Variants in ARHGEF28 observed in about 807,000 individuals in gnomAD.
ARHGEF28 encodes Rho guanine nucleotide exchange factor 28.
In ARHGEF28, 152 loss-of-function variants were observed where a neutral mutation model predicts 206.6. The ratio of observed to expected loss-of-function variants is 0.74; its 90% CI spans 0.64 to 0.84. ARHGEF28 has a LOEUF of 0.84. Among genes scored for constraint, ARHGEF28 ranks in the 40% least tolerant of loss-of-function variants. ARHGEF28 has a pLI of 0.00. For missense variants in ARHGEF28, 2,028 were observed against 2,073.2 expected, an observed-to-expected ratio of 0.98 and a Z score of 0.42; for synonymous variants, 763 against 776.4, an observed-to-expected ratio of 0.98 and a Z score of 0.29.
intron 5 of ARHGEF28, among the ~76,000 whole-genome samples, chr5:73,774,780 C>T (rs534779900): frequency 9.2e-5 from 14 of 152,048 alleles, no homozygotes; most frequent in African/African-American, 3.4e-4. Flanking sequence ...TTTGACTTAA[C>T]GTGGTAAAAA....
intron 9 of ARHGEF28, among the ~76,000 whole-genome samples, chr5:73,807,253 T>C (rs1032581754): frequency 6.6e-6 from 1 of 152,066 alleles, no homozygotes; most frequent in Non-Finnish European, 1.5e-5. Flanking sequence ...ACTATCTGTG[T>C]TGCCTATGCA....
chr5:73,936,806 G>A (rs1764447104), intron 35 of ARHGEF28, among the ~76,000 whole-genome samples: 1 of 152,204 alleles, frequency 6.6e-6, no homozygotes, highest in African/African-American at 2.4e-5. Context: ...GGCCTGAAGT[G>A]ATCCTCCTGC....
chr5:73,836,469 G>A (rs1170151249), intron 10 of ARHGEF28, among the ~76,000 whole-genome samples: 1 of 151,740 alleles, frequency 6.6e-6, no homozygotes, highest in South Asian at 2.1e-4. Context: ...TGTCTATTTA[G>A]GTACTTTATT....
chr5:73,772,681 T>C (rs1753294410), intron 4 of ARHGEF28, among the ~76,000 whole-genome samples: 1 of 152,134 alleles, frequency 6.6e-6, no homozygotes, highest in East Asian at 1.9e-4. Flanking sequence ...CCTGGCCTTA[T>C]AAGGGTTTTT....
intron 9 of ARHGEF28, among the ~76,000 whole-genome samples, chr5:73,808,781 T>G (rs939159332): frequency 6.6e-6 from 1 of 152,162 alleles, no homozygotes; most frequent in Non-Finnish European, 1.5e-5. Flanking sequence ...CTTGGTGGCT[T>G]AACAGTGGAG....
chr5:73,796,281 A>G (rs1378302315), intron 9 of ARHGEF28, among the ~76,000 whole-genome samples: 10 of 152,228 alleles, frequency 6.6e-5, no homozygotes, highest in Non-Finnish European at 1.5e-5. Context: ...GGTTCTGTGA[A>G]GCTGAGGCAT....
chr5:73,883,588 C>G (rs1761086956), intron 23 of ARHGEF28, among the ~76,000 whole-genome samples, 179 bp from the exon 24 acceptor site: 1 of 152,058 alleles, frequency 6.6e-6, no homozygotes, highest in South Asian at 2.1e-4. Context: ...AGTTGGGGTA[C>G]TGAAATTTAT....
rs558140137 is a variant in ARHGEF28, at chr5:73,662,908, A to G, written c.-11-21933A>G. Among the ~76,000 whole-genome samples the G allele has an allele frequency of 1.5e-3, 233 of 152,332 alleles. 3 individuals carry two copies. Among genetic ancestry groups the G allele is most frequent in the African/African-American group, 5.3e-3 (222 of 41,576 alleles). On this transcript the variant is annotated intron_variant, in intron 1 of 35. Transcript: ENST00000513042. Reference sequence around the variant, plus strand: ...TCTCTTTGCTTTAAGGAAAAGGTACAGCTAAGTAACTGAAGCAAAATTAAA... The same window carrying G: ...TCTCTTTGCTTTAAGGAAAAGGTACGGCTAAGTAACTGAAGCAAAATTAAA...
intron 2 of ARHGEF28, among the ~76,000 whole-genome samples, chr5:73,689,719 G>C (rs140911984): frequency 6.6e-5 from 10 of 150,998 alleles, no homozygotes; most frequent in Admixed American, 5.3e-4. Flanking sequence ...TGCTTGAAAA[G>C]AAACTGAAGG....
chr5:73,863,998 G>T (rs1394501224), intron 16 of ARHGEF28, among the ~76,000 whole-genome samples: 1 of 151,982 alleles, frequency 6.6e-6, no homozygotes, highest in Admixed American at 6.6e-5. Flanking sequence ...GACCAACATG[G>T]GATCTTCCAC....
At chr5:73,696,956 C>T (rs867585497) in intron 2 of ARHGEF28, among the ~76,000 whole-genome samples, 4 of 152,168 alleles carry the variant, frequency 2.6e-5, no homozygotes, top group Admixed American at 1.3e-4. Flanking sequence ...TCCAGCTGCA[C>T]GAAGAGATAG....
intron 2 of ARHGEF28, among the ~76,000 whole-genome samples, chr5:73,747,303 C>T (rs1751770860): frequency 6.6e-6 from 1 of 152,110 alleles, no homozygotes; most frequent in Admixed American, 6.5e-5. Context: ...TTGTCTTTGC[C>T]ATATATGAAA....
intron 35 of ARHGEF28, among the ~76,000 whole-genome samples, chr5:73,932,797 TTTC>T (rs1764196641): frequency 7.7e-6 from 1 of 130,236 alleles, no homozygotes; most frequent in African/African-American, 3.0e-5. Context: ...TTATTTCCTA[TTTC>T]TTTTTTTTTT....
At chr5:73,698,350 A>G (rs772457396) in intron 2 of ARHGEF28, among the ~76,000 whole-genome samples, 1 of 152,152 alleles carries the variant, frequency 6.6e-6, no homozygotes, top group Non-Finnish European at 1.5e-5. Context: ...ATAAACATCA[A>G]ATTACAAGCT....
chr5:73,894,681 CA>C, intron 29 of ARHGEF28, 106 bp downstream of exon 29: 9 of 1,295,466 alleles, frequency 6.9e-6, no homozygotes, highest in Non-Finnish European at 9.4e-6. Flanking sequence ...TACAGCAGAA[CA>C]AGACAAGGTC....
At chr5:73,772,365 T>C (rs1753268626) in intron 4 of ARHGEF28, among the ~76,000 whole-genome samples, 1 of 152,070 alleles carries the variant, frequency 6.6e-6, no homozygotes, top group African/African-American at 2.4e-5. Flanking sequence ...TATTGAGAAC[T>C]TGAAGTTTGG....
intron 2 of ARHGEF28, among the ~76,000 whole-genome samples, chr5:73,737,114 C>T (rs1259946979): frequency 6.6e-6 from 1 of 152,060 alleles, no homozygotes; most frequent in East Asian, 1.9e-4. Context: ...TTCAATGAGA[C>T]ACATCCGAGG....
chr5:73,910,573 T>C (rs1371467748), intron 34 of ARHGEF28, among the ~76,000 whole-genome samples: 1 of 152,020 alleles, frequency 6.6e-6, no homozygotes, highest in Non-Finnish European at 1.5e-5. Context: ...TGAAGGACTC[T>C]CTTTATATGA....
intron 4 of ARHGEF28, among the ~76,000 whole-genome samples, chr5:73,759,406 A>G (rs141957602): frequency 9.2e-4 from 140 of 152,330 alleles, no homozygotes; most frequent in African/African-American, 3.2e-3. Context: ...TGCTCTTACT[A>G]TGGAGAAGGG....
Sources: allele counts gnomAD v4.1 joint callset (sites outside exome capture counted in the v4.1 genomes callset), GRCh38; gene constraint gnomAD v4.1.1; transcripts MANE v1.5; gene names NCBI Gene and HGNC (gene_info 2026-07-23, HGNC 2026-07-21).